TRAPPC9: variants seen among roughly 807,000 people sequenced by gnomAD.
The protein encoded by TRAPPC9 is IKK2 binding protein.
A neutral mutation model predicts 124.0 loss-of-function variants in TRAPPC9; 83 were observed. The observed-to-expected ratio is 0.67, with a 90% CI of 0.56 to 0.80. TRAPPC9 has a LOEUF of 0.80. TRAPPC9 is among the 30% of genes least tolerant of loss of function. The probability of loss-of-function intolerance (pLI) is 0.00; values close to 1 mark genes in which losing one functional copy is unlikely to be tolerated. For synonymous variants in TRAPPC9, 638 were observed against 617.5 expected, an observed-to-expected ratio of 1.03 and a Z score of -0.49; for missense variants, 1,302 against 1,508.3, an observed-to-expected ratio of 0.86 and a Z score of 2.27.
rs371329652 is a variant in TRAPPC9, at chr8:140,092,571, C to T, written c.2557-68492G>A. Reference sequence around the variant, plus strand: ...AAAAGGAATCAGAGAGACTGAGTAACTTATCCAAGGGCACACAGCTAATGA... The same window carrying T: ...AAAAGGAATCAGAGAGACTGAGTAATTTATCCAAGGGCACACAGCTAATGA... On this transcript the variant is annotated intron_variant, in intron 17 of 22. Coordinates refer to ENST00000438773, the MANE Select transcript of TRAPPC9 (RefSeq NM_001160372.4). Among the ~76,000 whole-genome samples, 70 of 152,260 alleles carry T rather than the reference C, an allele frequency of 4.6e-4. No individual in the cohort carries two copies. The East Asian group carries it at 0.01, about 22-fold the overall frequency.
intron 5 of TRAPPC9, among the ~76,000 whole-genome samples, chr8:140,413,509 C>CTTT (rs200188588): frequency 7.3e-6 from 1 of 137,000 alleles, no homozygotes; most frequent in Non-Finnish European, 1.6e-5. Context: ...AGAACAAAGT[C>CTTT]TTTTTTTTTT....
chr8:140,361,938 G>A (rs2067966536), intron 8 of TRAPPC9, among the ~76,000 whole-genome samples: 1 of 152,072 alleles, frequency 6.6e-6, no homozygotes, highest in African/African-American at 2.4e-5. Context: ...ACCTTTCTCT[G>A]TTTGCCCATT....
intron 21 of TRAPPC9, among the ~76,000 whole-genome samples, chr8:139,758,707 G>C (rs575190080): frequency 6.6e-6 from 1 of 152,232 alleles, no homozygotes; most frequent in African/African-American, 2.4e-5. Flanking sequence ...AGGTGAAGGC[G>C]GTTGGGGCAG....
chr8:139,920,899 C>T (rs983637900), intron 19 of TRAPPC9, among the ~76,000 whole-genome samples: 1 of 152,190 alleles, frequency 6.6e-6, no homozygotes, highest in East Asian at 1.9e-4. Context: ...TGGCTGAACT[C>T]GAGGAGAGAG....
chr8:139,841,844 G>A (rs1826753531), intron 21 of TRAPPC9, among the ~76,000 whole-genome samples: 2 of 152,226 alleles, frequency 1.3e-5, no homozygotes, highest in Non-Finnish European at 2.9e-5. Flanking sequence ...ACCACCCACT[G>A]GGGAGCAGCC....
chr8:140,180,914 A>G (rs762331367), intron 17 of TRAPPC9, among the ~76,000 whole-genome samples: 4 of 151,950 alleles, frequency 2.6e-5, no homozygotes, highest in African/African-American at 4.8e-5. Flanking sequence ...GGATCTGAGG[A>G]TTTATCATTC....
chr8:140,457,408 G>C (rs2071719224), intron 1 of TRAPPC9, among the ~76,000 whole-genome samples: 1 of 152,206 alleles, frequency 6.6e-6, no homozygotes, highest in Non-Finnish European at 1.5e-5. Flanking sequence ...TGTGGGACAC[G>C]GCCTTGGACA....
intron 12 of TRAPPC9, among the ~76,000 whole-genome samples, chr8:140,288,663 A>T (rs568444669): frequency 2.0e-4 from 30 of 152,226 alleles, no homozygotes; most frequent in Non-Finnish European, 3.4e-4. Flanking sequence ...TCTACAATGA[A>T]ACTTGAACTT....
intron 17 of TRAPPC9, among the ~76,000 whole-genome samples, chr8:140,218,930 A>G (rs546912996): frequency 7.9e-5 from 12 of 152,238 alleles, no homozygotes; most frequent in Admixed American, 7.2e-4. Context: ...ACTGCACTCC[A>G]GCCTAGGTGA....
At chr8:140,382,713 T>C (rs916183082) in intron 7 of TRAPPC9, among the ~76,000 whole-genome samples, 12 of 152,226 alleles carry the variant, frequency 7.9e-5, no homozygotes, top group African/African-American at 2.9e-4. Context: ...TGCCTGCCTC[T>C]GTAGACTCCA....
rs544293374 is a variant in TRAPPC9, at chr8:140,208,650, T to C, written c.2556+12809A>G. Reference sequence around the variant, plus strand: ...TTTCATTTGCTTTCCTGTTCCCTCATCCAACGTTTAATGACAGCCTGCTCC... The same window carrying C: ...TTTCATTTGCTTTCCTGTTCCCTCACCCAACGTTTAATGACAGCCTGCTCC... On this transcript the variant is annotated intron_variant, in intron 17 of 22. Coordinates refer to ENST00000438773, the MANE Select transcript of TRAPPC9 (RefSeq NM_001160372.4). 1.8e-3 allele frequency among the ~76,000 whole-genome samples: 269 copies of C among 152,342 alleles called. 1 individual carries two copies. The highest frequency in any genetic ancestry group is 6.2e-3 in the African/African-American group (257 of 41,574).
At chr8:140,293,400 A>G (rs1409719110) in intron 11 of TRAPPC9, among the ~76,000 whole-genome samples, 1 of 152,066 alleles carries the variant, frequency 6.6e-6, no homozygotes, top group African/African-American at 2.4e-5. Flanking sequence ...ATGCTGCTAT[A>G]AAGACACATG....
intron 18 of TRAPPC9, among the ~76,000 whole-genome samples, chr8:140,007,312 T>C (rs1013494653): frequency 6.6e-6 from 1 of 152,216 alleles, no homozygotes. Flanking sequence ...GTTGCATTCA[T>C]CTAATCAAAA....
intron 17 of TRAPPC9, among the ~76,000 whole-genome samples, chr8:140,204,039 A>G (rs1250204363): frequency 2.0e-5 from 3 of 152,114 alleles, no homozygotes; most frequent in African/African-American, 7.2e-5. Context: ...TCAGGGTGAG[A>G]TGTGACCTCC....
chr8:139,739,000 C>G (rs1818384312), intron 21 of TRAPPC9, among the ~76,000 whole-genome samples: 1 of 152,202 alleles, frequency 6.6e-6, no homozygotes. Flanking sequence ...CCGCCCCCAG[C>G]TTCTGAAACC....
intron 17 of TRAPPC9, among the ~76,000 whole-genome samples, chr8:140,121,619 T>C (rs2060987269): frequency 6.6e-6 from 1 of 152,172 alleles, no homozygotes; most frequent in South Asian, 2.1e-4. Flanking sequence ...TTCCTGCCAA[T>C]GTTATAATTA....
chr8:140,354,908 T>C (rs182211985), intron 9 of TRAPPC9, among the ~76,000 whole-genome samples: 26 of 152,276 alleles, frequency 1.7e-4, no homozygotes, highest in Admixed American at 1.5e-3. Flanking sequence ...GGAAAGAACC[T>C]CTCAGACCTC....
rs149148552 is a variant in TRAPPC9, at chr8:140,288,213, C to T, written c.1855-479G>A. Among the ~76,000 whole-genome samples, 1,280 of 152,202 alleles carry T rather than the reference C, an allele frequency of 8.4e-3. 11 individuals are homozygous for T. The highest frequency in any genetic ancestry group is 0.012 in the Admixed American group (190 of 15,290). On this transcript the variant is annotated intron_variant, in intron 12 of 22. Transcript: ENST00000438773. ...TTTTAATTAGCCAGGGAAGGTGGCA[C>T]GCACCTGTGGTCCCAACTACTTGGG...
At chr8:140,384,209 G>T (rs1253557704) in intron 7 of TRAPPC9, among the ~76,000 whole-genome samples, 15 of 143,882 alleles carry the variant, frequency 1.0e-4, no homozygotes, top group Non-Finnish European at 1.9e-4. Flanking sequence ...GCAAAAACAT[G>T]CCAAATTGTA....
Sources: allele counts gnomAD v4.1 joint callset (sites outside exome capture counted in the v4.1 genomes callset), GRCh38; gene constraint gnomAD v4.1.1; transcripts MANE v1.5; gene names NCBI Gene and HGNC (gene_info 2026-07-23, HGNC 2026-07-21).